The following RGP1 variants were observed in gnomAD, a reference collection of about 807,000 sequenced individuals.
RGP1 encodes RAB6A-GEF complex partner protein 2.
Under a neutral mutation model 44.5 loss-of-function variants are expected in RGP1, and 28 were observed. The ratio of observed to expected loss-of-function variants is 0.63; its 90% CI spans 0.47 to 0.86. The LOEUF is 0.86. Among genes scored for constraint, RGP1 ranks in the 40% least tolerant of loss-of-function variants. The probability of loss-of-function intolerance (pLI) is 0.00; values close to 1 mark genes in which losing one functional copy is unlikely to be tolerated. For synonymous variants in RGP1, 212 were observed against 196.7 expected (o/e 1.08, Z -0.65); for missense variants, 417 against 490.7 (o/e 0.85, Z 1.42).
chr9:35,783,011 G>T, the RGP1 span, among the ~76,000 whole-genome samples: 1 of 151,406 alleles, frequency 6.6e-6, no homozygotes, highest in Admixed American at 6.6e-5. Context: ...ATTTCTCCAT[G>T]TTGGTCGGGC....
chr9:35,787,539 C>T, the RGP1 span, among the ~76,000 whole-genome samples: 5 of 152,130 alleles, frequency 3.3e-5, no homozygotes, highest in South Asian at 2.1e-4. Context: ...CCACAGCAGC[C>T]CTTTGAGGCT....
At chr9:35,769,221 A>G in the RGP1 span, among the ~76,000 whole-genome samples, 2 of 152,356 alleles carry the variant, frequency 1.3e-5, no homozygotes, top group Middle Eastern at 3.4e-3. Flanking sequence ...AGGAAGAAAG[A>G]ACCATGTGGT....
At chr9:35,767,144 A>G in the RGP1 span, among the ~76,000 whole-genome samples, 2 of 152,220 alleles carry the variant, frequency 1.3e-5, no homozygotes, top group African/African-American at 4.8e-5. Flanking sequence ...CTGGGGCTGC[A>G]TACGGCCAAC....
At chr9:35,767,740 G>A in the RGP1 span, among the ~76,000 whole-genome samples, 1 of 152,016 alleles carries the variant, frequency 6.6e-6, no homozygotes, top group Non-Finnish European at 1.5e-5. Flanking sequence ...ATTCTTTCTT[G>A]CTGAGCCTGG....
the RGP1 span, among the ~76,000 whole-genome samples, chr9:35,768,311 C>T: frequency 6.6e-6 from 1 of 152,118 alleles, no homozygotes; most frequent in Non-Finnish European, 1.5e-5. Context: ...ATCCACCCAC[C>T]TTGGCCTCCC....
At chr9:35,751,172 C>A in intron 5 of RGP1, 94 bp from the exon 6 acceptor site, 1 of 1,519,442 alleles carries the variant, frequency 6.6e-7, no homozygotes, top group South Asian at 1.2e-5. Flanking sequence ...GCACCCCTTA[C>A]CTTTAGCCAT....
At chr9:35,767,964 T>A in the RGP1 span, among the ~76,000 whole-genome samples, 1 of 151,914 alleles carries the variant, frequency 6.6e-6, no homozygotes, top group Non-Finnish European at 1.5e-5. Flanking sequence ...GACACCCAGC[T>A]AAGTTTTTGT....
the RGP1 span, among the ~76,000 whole-genome samples, chr9:35,781,538 G>T: frequency 6.6e-6 from 1 of 152,048 alleles, no homozygotes; most frequent in African/African-American, 2.4e-5. Context: ...GCAATGTGAG[G>T]ACAGTTCCAC....
At chr9:35,785,208 A>G in the RGP1 span, among the ~76,000 whole-genome samples, 10,145 of 152,178 alleles carry the variant, frequency 0.067, 431 homozygotes, top group Middle Eastern at 0.12. Context: ...CAGTTTTGGG[A>G]CTGAGTACAT....
At position 35,749,404 on chromosome 9, in the gene RGP1, G is replaced by A. The variant is rs1478407922; in HGVS notation, c.-24G>A. The A allele has an allele frequency of 7.2e-6, 4 of 558,120 alleles. No individual in the cohort carries two copies. The highest frequency in any genetic ancestry group is 5.5e-5 in the South Asian group (4 of 72,558). The allele number at this position is 558,120 out of a possible 1,614,324, so 34.6% of individuals were successfully genotyped here. A position where few individuals can be genotyped will look rare whatever the true frequency, so the allele number is the denominator to read the frequency against. On this transcript the variant is annotated 5_prime_UTR_variant, in exon 1 of 9. An upstream start codon of the reference 5' UTR is lost. Coordinates refer to ENST00000378078, the MANE Select transcript of RGP1 (RefSeq NM_001080496.3). The surrounding 1 kb of genome is among the most constrained non-coding windows in gnomAD (Gnocchi z 4.4). ...GGTGCCGATCCCTAGTGTCGACTATGCGAGGTGACTAGCGGCGGTGATCTT... is the reference window on the plus strand; with the variant it reads ...GGTGCCGATCCCTAGTGTCGACTATACGAGGTGACTAGCGGCGGTGATCTT...
At chr9:35,777,170 C>A in the RGP1 span, among the ~76,000 whole-genome samples, 1 of 140,804 alleles carries the variant, frequency 7.1e-6, no homozygotes, top group Non-Finnish European at 1.5e-5. Context: ...TGCTCTGTCA[C>A]CCAGGCTGGA....
chr9:35,752,436 A>G (rs1570250), intron 8 of RGP1, among the ~76,000 whole-genome samples: 103,632 of 151,976 alleles, frequency 0.68, 35,469 homozygotes, highest in East Asian at 0.83. Flanking sequence ...CCTCACTCTT[A>G]GGTTATTAGG....
At chr9:35,786,966 G>A in the RGP1 span, among the ~76,000 whole-genome samples, 2 of 151,612 alleles carry the variant, frequency 1.3e-5, no homozygotes, top group East Asian at 1.9e-4. Flanking sequence ...CGGGCGTGGT[G>A]GCGGGCGCCT....
Position 35,754,098 on chromosome 9 carries a change from G to C in RGP1, c.*1224G>C. 6.2e-7 allele frequency: 1 copy of C among 1,613,582 alleles called. No homozygotes were observed. Among genetic ancestry groups the C allele is most frequent in the Non-Finnish European group, 8.5e-7 (1 of 1,179,760 alleles). On this transcript the variant is annotated 3_prime_UTR_variant, in exon 9 of 9. Coordinates refer to ENST00000378078, the MANE Select transcript of RGP1 (RefSeq NM_001080496.3). ...CCCCCAGCCTCCTAGGATCCCCTTG[G>C]CCTGTCCAGCCCAGAGCATCCTTAG...
At chr9:35,763,881 CA>C in the RGP1 span, among the ~76,000 whole-genome samples, 816 of 81,928 alleles carry the variant, frequency 1.0e-2, 1 homozygote, top group African/African-American at 0.042. Context: ...GACTCCATCT[CA>C]AAAAAAAAAA....
intron 8 of RGP1, 130 bp from the exon 9 acceptor site, chr9:35,752,521 C>G: frequency 1.2e-6 from 1 of 824,176 alleles, no homozygotes; most frequent in Non-Finnish European, 2.0e-6. Flanking sequence ...ATCACAGCTC[C>G]CTGCCCTGTG....
At chr9:35,765,547 C>T in the RGP1 span, among the ~76,000 whole-genome samples, 2 of 151,578 alleles carry the variant, frequency 1.3e-5, no homozygotes, top group African/African-American at 2.4e-5. Context: ...GTCCCAGCTA[C>T]TCGGGAAGCT....
chr9:35,784,518 C>T, the RGP1 span, among the ~76,000 whole-genome samples: 4 of 152,142 alleles, frequency 2.6e-5, no homozygotes, highest in East Asian at 1.9e-4. Context: ...GGCACTATTT[C>T]GGCTCACTGC....
chr9:35,753,887 G>A lies in RGP1; in HGVS notation c.*1013G>A. The A allele has an allele frequency of 6.5e-7, 1 of 1,548,302 alleles. No individual in the cohort carries two copies. The highest frequency in any genetic ancestry group is 8.8e-7 in the Non-Finnish European group (1 of 1,137,648). On this transcript the variant is annotated 3_prime_UTR_variant, in exon 9 of 9. Coordinates refer to ENST00000378078, the MANE Select transcript of RGP1 (RefSeq NM_001080496.3). This position sits in a 1 kb window ranked among gnomAD's most constrained non-coding sequence, Gnocchi z 4.2. ...TCCCCGTATTTAGTTTGTCTTTCCT[G>A]TTTCACAGCTGGAGGAAGCCTGGGT...
Sources: allele counts gnomAD v4.1 joint callset (sites outside exome capture counted in the v4.1 genomes callset), GRCh38; gene constraint gnomAD v4.1.1; non-coding constraint Gnocchi (gnomAD v3.1); transcripts MANE v1.5; gene names NCBI Gene and HGNC (gene_info 2026-07-23, HGNC 2026-07-21).